Variants in C14orf132 observed in about 807,000 individuals in gnomAD.
C14orf132 encodes uncharacterized protein C14orf132.
A neutral mutation model predicts 5.8 loss-of-function variants in C14orf132; 6 were observed. That is an observed-to-expected ratio of 1.03 (90% confidence interval 0.57 to 2.04). The LOEUF is 2.04. Among genes scored for constraint, C14orf132 ranks in the 30% most tolerant of loss-of-function variants. C14orf132 has a pLI of 0.00. For missense variants in C14orf132, 125 were observed against 115.8 expected, an observed-to-expected ratio of 1.08 and a Z score of -0.37; for synonymous variants, 51 against 49.8, an observed-to-expected ratio of 1.02 and a Z score of -0.10.
intron 1 of C14orf132, among the ~76,000 whole-genome samples, chr14:96,067,096 C>G (rs573187397): frequency 1.2e-4 from 18 of 152,336 alleles, no homozygotes; most frequent in East Asian, 9.7e-4. Flanking sequence ...GCAGCTGTTA[C>G]TCAAAAGATA....
At chr14:96,077,253 G>A (rs1887896529) in intron 1 of C14orf132, among the ~76,000 whole-genome samples, 1 of 152,118 alleles carries the variant, frequency 6.6e-6, no homozygotes, top group Non-Finnish European at 1.5e-5. Context: ...GATAATTTTG[G>A]ACTGGATTCT....
rs117765517 is a variant in C14orf132, at chr14:96,082,755, C to T, written c.28-3756C>T. Among the ~76,000 whole-genome samples the T allele has an allele frequency of 0.013, 1,913 of 152,352 alleles. 238 individuals carry two copies. The East Asian group carries it at 0.29, about 23-fold the overall frequency. On this transcript the variant is annotated intron_variant, in intron 1 of 1. Transcript: ENST00000555004. ...AGCTGGATAAGAGATGCATGTGATACTGTCCTACAAGGACGACAGAGGGAA... is the reference window on the plus strand; with the variant it reads ...AGCTGGATAAGAGATGCATGTGATATTGTCCTACAAGGACGACAGAGGGAA...
Position 96,090,748 on chromosome 14 carries a change from T to C in C14orf132, c.*4013T>C, listed in dbSNP as rs1225556855. The C allele has an allele frequency of 6.6e-6, 3 of 455,904 alleles. No individual in the cohort carries two copies. Among genetic ancestry groups the C allele is most frequent in the Admixed American group, 2.3e-5 (1 of 42,564 alleles). The allele number at this position is 455,904 out of a possible 1,614,324, so 28.2% of individuals were successfully genotyped here. A position where few individuals can be genotyped will look rare whatever the true frequency, so the allele number is the denominator to read the frequency against. On this transcript the variant is annotated 3_prime_UTR_variant, in exon 2 of 2. Transcript: ENST00000555004. Reference sequence around the variant, plus strand: ...ATTTCGCTGGAAAGGCAGCAGATGCTTTTCCAGCCCCGGTTCAGCTGGAAG... The same window carrying C: ...ATTTCGCTGGAAAGGCAGCAGATGCCTTTCCAGCCCCGGTTCAGCTGGAAG...
intron 1 of C14orf132, among the ~76,000 whole-genome samples, chr14:96,086,212 G>A (rs1367233092): frequency 6.6e-6 from 1 of 152,052 alleles, no homozygotes; most frequent in Non-Finnish European, 1.5e-5. Context: ...TGGGGGGAGG[G>A]GAATGGCTGG....
intron 1 of C14orf132, among the ~76,000 whole-genome samples, chr14:96,042,270 A>G (rs1037804440): frequency 6.6e-6 from 1 of 152,244 alleles, no homozygotes; most frequent in Non-Finnish European, 1.5e-5. Context: ...GCTGGGAGAC[A>G]GAGGCCAGGG....
Position 96,070,446 on chromosome 14 carries a change from A to C in C14orf132, c.28-16065A>C, listed in dbSNP as rs372457032. Among the ~76,000 whole-genome samples, 44 of 152,212 alleles carry C rather than the reference A, an allele frequency of 2.9e-4. 2 individuals carry two copies. In the South Asian group the frequency reaches 8.9e-3, roughly 31 times the overall value. On this transcript the variant is annotated intron_variant, in intron 1 of 1. Transcript: ENST00000555004. ...TAAAGTTCTCTCCTTGAGGAAGCCC[A>C]TGGCAGATAAAACTGGAGCCAGGTT...
At position 96,089,729 on chromosome 14, in the gene C14orf132, C is replaced by CT. The variant is rs1201701878; in HGVS notation, c.*2996dup. 1 of 152,250 alleles carries CT rather than the reference C, an allele frequency of 6.6e-6. No individual in the cohort carries two copies. Among genetic ancestry groups the CT allele is most frequent in the African/African-American group, 2.4e-5 (1 of 41,448 alleles). 9.4% of individuals were successfully genotyped at this position (152,250 alleles called of 1,614,324 possible). On this transcript the variant is annotated 3_prime_UTR_variant, in exon 2 of 2. Coordinates refer to ENST00000555004, the MANE Select transcript of C14orf132 (RefSeq NM_001252507.3). Reference sequence around the variant, plus strand: ...TTCTTTAAGACTGAACTCAAGTCTCCTTGGAAGGCCCCGGTGAAGCTCCCA... The same window carrying CT: ...TTCTTTAAGACTGAACTCAAGTCTCCTTTGGAAGGCCCCGGTGAAGCTCCCA...
At chr14:96,060,019 C>T (rs1014385503) in intron 1 of C14orf132, among the ~76,000 whole-genome samples, 3 of 152,176 alleles carry the variant, frequency 2.0e-5, no homozygotes, top group African/African-American at 7.2e-5. Context: ...GTGCCTTGTC[C>T]CTGGGATGCC....
intron 1 of C14orf132, among the ~76,000 whole-genome samples, chr14:96,084,497 T>C (rs1385300593): frequency 2.6e-5 from 4 of 152,220 alleles, no homozygotes; most frequent in African/African-American, 9.6e-5. Flanking sequence ...GGCTGGCATG[T>C]GTCTGATGCA....
intron 1 of C14orf132, among the ~76,000 whole-genome samples, chr14:96,054,703 G>A (rs28634637): frequency 0.1 from 15,811 of 152,172 alleles, 989 homozygotes; most frequent in Middle Eastern, 0.2. Flanking sequence ...GCTAAATGTA[G>A]CCATTTTCCT....
chr14:96,069,100 C>T (rs1184934504), intron 1 of C14orf132, among the ~76,000 whole-genome samples: 2 of 150,358 alleles, frequency 1.3e-5, no homozygotes, highest in African/African-American at 4.9e-5. Flanking sequence ...TCCAGCTTGC[C>T]GGTGACAGAT....
chr14:96,084,424 G>A (rs146551286), intron 1 of C14orf132, among the ~76,000 whole-genome samples: 1 of 152,306 alleles, frequency 6.6e-6, no homozygotes, highest in African/African-American at 2.4e-5. Flanking sequence ...GAGGCCTTCT[G>A]TTGTGGACAG....
intron 1 of C14orf132, among the ~76,000 whole-genome samples, chr14:96,057,291 C>A (rs945346726): frequency 6.6e-6 from 1 of 152,210 alleles, no homozygotes; most frequent in Non-Finnish European, 1.5e-5. Flanking sequence ...GCCTTCCTCA[C>A]TCCAGAGGGT....
At chr14:96,073,419 G>T (rs541431227) in intron 1 of C14orf132, among the ~76,000 whole-genome samples, 2 of 152,144 alleles carry the variant, frequency 1.3e-5, no homozygotes, top group East Asian at 3.9e-4. Context: ...ATGTGGCCAA[G>T]AAACCTATGA....
rs890392805 is a variant in C14orf132, at chr14:96,089,301, G to A, written c.*2566G>A. On this transcript the variant is annotated 3_prime_UTR_variant, in exon 2 of 2. Coordinates refer to ENST00000555004, the MANE Select transcript of C14orf132 (RefSeq NM_001252507.3). ...TTTGTGTCCAGGTGCCACTAGACTTGCATGCACACTAACTCCTTACAATCA... is the reference window on the plus strand; with the variant it reads ...TTTGTGTCCAGGTGCCACTAGACTTACATGCACACTAACTCCTTACAATCA... 11 of 152,478 alleles carry A rather than the reference G, an allele frequency of 7.2e-5. No individual in the cohort carries two copies. Among genetic ancestry groups the A allele is most frequent in the African/African-American group, 2.6e-4 (11 of 41,560 alleles). The allele number at this position is 152,478 out of a possible 1,614,324, so 9.4% of individuals were successfully genotyped here.
chr14:96,043,294 A>C (rs764456076), intron 1 of C14orf132, among the ~76,000 whole-genome samples: 53 of 152,176 alleles, frequency 3.5e-4, no homozygotes, highest in Non-Finnish European at 6.2e-4. Context: ...GCAGTGACAC[A>C]GAGGCACATG....
chr14:96,077,581 C>T (rs1887908710), intron 1 of C14orf132, among the ~76,000 whole-genome samples: 1 of 152,174 alleles, frequency 6.6e-6, no homozygotes, highest in Non-Finnish European at 1.5e-5. Flanking sequence ...AGAAAACAGC[C>T]TTACCGACAC....
intron 1 of C14orf132, among the ~76,000 whole-genome samples, chr14:96,083,006 G>A (rs956845290): frequency 2.0e-5 from 3 of 152,034 alleles, no homozygotes; most frequent in Non-Finnish European, 4.4e-5. Context: ...CATTTCCCAC[G>A]CTCTGAGACA....
intron 1 of C14orf132, among the ~76,000 whole-genome samples, chr14:96,063,065 T>C (rs915846598): frequency 3.9e-5 from 6 of 152,152 alleles, no homozygotes; most frequent in African/African-American, 1.2e-4. Context: ...CTGATGCTTT[T>C]AAAGAGTTTG....
Sources: allele counts gnomAD v4.1 joint callset (sites outside exome capture counted in the v4.1 genomes callset), GRCh38; gene constraint gnomAD v4.1.1; transcripts MANE v1.5; gene names NCBI Gene and HGNC (gene_info 2026-07-23, HGNC 2026-07-21).